Variants in DMXL2 observed in about 807,000 individuals in gnomAD.
DMXL2 encodes dmX-like protein 2.
DMXL2 carries 103 observed loss-of-function variants against 331.1 expected under a neutral mutation model. The observed-to-expected ratio is 0.31, with a 90% CI of 0.27 to 0.37. The LOEUF (loss-of-function observed/expected upper bound fraction) is 0.37, where lower values mean the gene tolerates loss of function less well. Among genes scored for constraint, DMXL2 ranks in the 10% least tolerant of loss-of-function variants. The pLI is 1.00. For missense variants in DMXL2, 3,171 were observed against 3,642.9 expected (o/e 0.87, Z 3.33); for synonymous variants, 1,281 against 1,252.1 (o/e 1.02, Z -0.49).
intron 13 of DMXL2, among the ~76,000 whole-genome samples, chr15:51,529,095 G>C (rs778609938): frequency 7.2e-5 from 11 of 152,038 alleles, no homozygotes; most frequent in Non-Finnish European, 1.5e-4. Flanking sequence ...AAATCTATGG[G>C]ATACTGCAAA....
Position 51,479,934 on chromosome 15 carries a change from A to T in DMXL2, c.6756+14T>A, listed in dbSNP as rs1327077802. On this transcript the variant is annotated intron_variant, in intron 25 of 43. Transcript: ENST00000560891. The stretch of plus-strand genomic sequence containing the variant: ...AGGGTGTATAATATCAAATGATCAT[A>T]AACTTTACATTACCTTCACATCTTC... The T allele has an allele frequency of 4.1e-6, 6 of 1,472,292 alleles. No individual in the cohort carries two copies. Among genetic ancestry groups the T allele is most frequent in the Non-Finnish European group, 5.5e-6 (6 of 1,097,570 alleles). 91.2% of individuals were successfully genotyped at this position (1,472,292 alleles called of 1,614,324 possible). A position where few individuals can be genotyped will look rare whatever the true frequency, so the allele number is the denominator to read the frequency against.
intron 4 of DMXL2, among the ~76,000 whole-genome samples, chr15:51,564,673 G>C (rs1237660267): frequency 6.6e-6 from 1 of 152,054 alleles, no homozygotes. Context: ...TATTAATTGT[G>C]AATATAAAAA....
intron 18 of DMXL2, 122 bp downstream of exon 18, chr15:51,498,427 TAAG>T: frequency 1.1e-6 from 1 of 879,016 alleles, no homozygotes; most frequent in Non-Finnish European, 1.7e-6. Flanking sequence ...AATTACCTAT[TAAG>T]GAGGTCTTTT....
rs73399552 is a variant in DMXL2, at chr15:51,487,393, T to C, written c.5217+561A>G. Among the ~76,000 whole-genome samples the C allele has an allele frequency of 1.9e-3, 279 of 148,860 alleles. 1 individual carries two copies. Among genetic ancestry groups the C allele is most frequent in the African/African-American group, 6.4e-3 (264 of 41,276 alleles). The stretch of plus-strand genomic sequence containing the variant: ...TCTGGAAGAAGACATTCATAAACTA[T>C]TTTTCAGCATTTTTTTCATATATTT... On this transcript the variant is annotated intron_variant, in intron 22 of 43. Transcript: ENST00000560891.
At chr15:51,540,234 T>C (rs1197839453) in intron 9 of DMXL2, among the ~76,000 whole-genome samples, 1 of 152,200 alleles carries the variant, frequency 6.6e-6, no homozygotes, top group Non-Finnish European at 1.5e-5. Context: ...CTGTTCTAGA[T>C]TGGAGGAATT....
chr15:51,524,947 C>T (rs868109765), intron 13 of DMXL2, among the ~76,000 whole-genome samples: 1 of 151,970 alleles, frequency 6.6e-6, no homozygotes, highest in African/African-American at 2.4e-5. Flanking sequence ...CATCCCTTCC[C>T]TAACCCCAGG....
chr15:51,536,904 T>G lies in DMXL2; in HGVS notation c.1618-42A>C, dbSNP rs777207521. 5 of 1,473,646 alleles carry G rather than the reference T, an allele frequency of 3.4e-6. No individual in the cohort carries two copies. The East Asian group carries it at 1.1e-4, about 33-fold the overall frequency. 91.3% of individuals were successfully genotyped at this position (1,473,646 alleles called of 1,614,324 possible). A position where few individuals can be genotyped will look rare whatever the true frequency, so the allele number is the denominator to read the frequency against. The stretch of plus-strand genomic sequence containing the variant: ...TATGATTCAGTGCAAATAGTTTACC[T>G]CCTCTCAAAAAAAAGACTTCTATTC... On this transcript the variant is annotated intron_variant, in intron 11 of 43. Coordinates refer to ENST00000560891, the MANE Select transcript of DMXL2 (RefSeq NM_001378457.1).
chr15:51,502,835 A>C lies in DMXL2; in HGVS notation c.2963T>G (p.Val988Gly). The stretch of plus-strand genomic sequence containing the variant: ...TGAAGGCGTTGCTCTTATTACTTCA[A>C]CTGATTCTGGGAGATCAAGGGGTTG... ...YSQPLDLPES[V>G]EVIRATPSAG... is the part of the protein sequence containing the mutation. Residue 988 changes from valine (V) to glycine (G), a missense_variant, in exon 17 of 44, where the codon GTT becomes GGT. This residue lies in a region of DMXL2 where 1,674 missense variants were observed against 1,780.2 expected (regional missense o/e 0.94). Coordinates refer to ENST00000560891, the MANE Select transcript of DMXL2 (RefSeq NM_001378457.1). The C allele has an allele frequency of 1.2e-6, 2 of 1,614,102 alleles. No homozygotes were observed. Among genetic ancestry groups the C allele is most frequent in the South Asian group, 1.1e-5 (1 of 91,080 alleles).
At chr15:51,546,763 T>A (rs1294181254) in intron 7 of DMXL2, among the ~76,000 whole-genome samples, 3 of 152,076 alleles carry the variant, frequency 2.0e-5, no homozygotes, top group African/African-American at 7.2e-5. Flanking sequence ...AAACACAACC[T>A]GGCCACTTTT....
At chr15:51,455,091 A>T in intron 40 of DMXL2, 60 bp downstream of exon 40, 2 of 1,332,718 alleles carry the variant, frequency 1.5e-6, no homozygotes, top group Admixed American at 3.4e-5. Flanking sequence ...TGTCTGAAAC[A>T]GACACTTCAT....
chr15:51,519,532 T>C (rs1249276201), intron 13 of DMXL2, among the ~76,000 whole-genome samples: 2 of 152,132 alleles, frequency 1.3e-5, no homozygotes, highest in African/African-American at 4.8e-5. Flanking sequence ...TACCAGAAAT[T>C]GGACTAATTA....
intron 18 of DMXL2, among the ~76,000 whole-genome samples, chr15:51,495,802 T>G (rs1399852625): frequency 6.6e-6 from 1 of 151,898 alleles, no homozygotes; most frequent in African/African-American, 2.4e-5. Flanking sequence ...ACTGACACTT[T>G]GGAAGTACTC....
At chr15:51,614,289 T>C (rs934420066) in intron 1 of DMXL2, among the ~76,000 whole-genome samples, 2 of 152,224 alleles carry the variant, frequency 1.3e-5, no homozygotes, top group Non-Finnish European at 2.9e-5. Flanking sequence ...AAATCTGTTG[T>C]TTAAGCTACC....
At chr15:51,450,846 T>C (rs1006336569) in intron 42 of DMXL2, among the ~76,000 whole-genome samples, 3 of 152,226 alleles carry the variant, frequency 2.0e-5, no homozygotes, top group Non-Finnish European at 4.4e-5. Flanking sequence ...ATGCAGAAAA[T>C]CTGTAAGCAA....
At chr15:51,598,080 T>C (rs1335289472) in intron 1 of DMXL2, among the ~76,000 whole-genome samples, 1 of 152,212 alleles carries the variant, frequency 6.6e-6, no homozygotes, top group Non-Finnish European at 1.5e-5. Flanking sequence ...GCATTTCACT[T>C]TTAATGCTAT....
At chr15:51,541,518 C>T (rs536455099) in intron 9 of DMXL2, among the ~76,000 whole-genome samples, 46 of 152,166 alleles carry the variant, frequency 3.0e-4, no homozygotes, top group African/African-American at 1.1e-3. Context: ...CCAGTGGCTA[C>T]TCTATAAAAC....
chr15:51,458,058 G>C (rs1025976971), intron 36 of DMXL2: 2 of 156,478 alleles, frequency 1.3e-5, no homozygotes, highest in Admixed American at 1.2e-4. Context: ...AAATAGGTAA[G>C]AATGGCAAAA....
intron 27 of DMXL2, among the ~76,000 whole-genome samples, chr15:51,476,361 T>G (rs74826398): frequency 0.023 from 3,443 of 152,290 alleles, 67 homozygotes; most frequent in Non-Finnish European, 0.037. Flanking sequence ...ATTGCTTTTT[T>G]ATGTTGGTTA....
chr15:51,489,829 T>C (rs1288089903), intron 20 of DMXL2, among the ~76,000 whole-genome samples: 5 of 152,262 alleles, frequency 3.3e-5, no homozygotes, highest in Admixed American at 1.3e-4. Flanking sequence ...TGATTTATAA[T>C]ATACATTTTG....
Sources: gnomAD v4.1 joint callset for allele counts (sites outside exome capture counted in the v4.1 genomes callset) on GRCh38, gnomAD v4.1.1 for gene constraint, gnomAD v4.1.1 regional missense constraint, MANE v1.5 for transcripts, NCBI Gene and HGNC (gene_info 2026-07-23, HGNC 2026-07-21) for gene names.